The following IMPG1 variants were observed in gnomAD, a reference collection of about 807,000 sequenced individuals.
The protein encoded by IMPG1 is interphotoreceptor matrix proteoglycan 1.
A neutral mutation model predicts 92.0 loss-of-function variants in IMPG1; 85 were observed. The observed-to-expected ratio is 0.92, with a 90% CI of 0.78 to 1.11. The LOEUF (loss-of-function observed/expected upper bound fraction) is 1.11, where lower values mean the gene tolerates loss of function less well. IMPG1 is among the 50% of genes least tolerant of loss of function. The pLI is 0.00. For synonymous variants in IMPG1, 367 were observed against 334.1 expected, an observed-to-expected ratio of 1.10 and a Z score of -1.08; for missense variants, 1,022 against 956.0, an observed-to-expected ratio of 1.07 and a Z score of -0.91.
chr6:75,936,941 G>A lies in IMPG1; in HGVS notation c.2045-5790C>T, dbSNP rs550642730. ...AAGCTCCATGCAGTGGTTGGGGTGTGGAATGAGGGCACAGATTGAAACCCT... is the reference window on the plus strand; with the variant it reads ...AAGCTCCATGCAGTGGTTGGGGTGTAGAATGAGGGCACAGATTGAAACCCT... On this transcript the variant is annotated intron_variant, in intron 14 of 16. Transcript: ENST00000369950. Among the ~76,000 whole-genome samples, 9 of 152,276 alleles carry A rather than the reference G, an allele frequency of 5.9e-5. No homozygotes were observed. In the East Asian group the frequency reaches 1.5e-3, roughly 26 times the overall value.
Position 75,974,178 on chromosome 6 carries a change from A to C in IMPG1, c.1292-23084T>G, listed in dbSNP as rs183296809. Among the ~76,000 whole-genome samples, 55 of 152,312 alleles carry C rather than the reference A, an allele frequency of 3.6e-4. No individual in the cohort carries two copies. The East Asian group carries it at 7.3e-3, about 20-fold the overall frequency. ...CAAACATTTTAGTGCAAATTTGGAA[A>C]ATTTTTTACTCTATAAAAGGCTTTC... is the stretch of plus-strand genomic sequence containing the variant. On this transcript the variant is annotated intron_variant, in intron 12 of 16. Coordinates refer to ENST00000369950, the MANE Select transcript of IMPG1 (RefSeq NM_001563.4).
intron 7 of IMPG1, among the ~76,000 whole-genome samples, chr6:76,016,172 T>G (rs985581626): frequency 1.3e-5 from 2 of 152,226 alleles, no homozygotes; most frequent in Non-Finnish European, 2.9e-5. Context: ...TCTGAGGTCA[T>G]CTTCTACAAT....
intron 7 of IMPG1, among the ~76,000 whole-genome samples, chr6:76,017,990 G>C (rs533128960): frequency 3.3e-5 from 5 of 152,204 alleles, no homozygotes; most frequent in African/African-American, 9.6e-5. Flanking sequence ...TGATCCACCC[G>C]CCTCAGCCTC....
At chr6:76,001,585 T>G (rs1361099136) in intron 12 of IMPG1, among the ~76,000 whole-genome samples, 1 of 152,156 alleles carries the variant, frequency 6.6e-6, no homozygotes, top group Non-Finnish European at 1.5e-5. Flanking sequence ...CAAGCAACCC[T>G]GTGGAGAGAC....
chr6:76,015,485 A>G (rs1441475234), intron 7 of IMPG1, among the ~76,000 whole-genome samples: 1 of 152,120 alleles, frequency 6.6e-6, no homozygotes, highest in African/African-American at 2.4e-5. Context: ...TTTGGCTTAT[A>G]AGTTTTTCAG....
At chr6:76,028,125 G>A (rs1298015552) in intron 4 of IMPG1, among the ~76,000 whole-genome samples, 4 of 152,182 alleles carry the variant, frequency 2.6e-5, no homozygotes, top group African/African-American at 9.6e-5. Context: ...ATATCTAAAT[G>A]TATGCTATCA....
At chr6:76,026,175 C>G (rs1783529700) in intron 4 of IMPG1, among the ~76,000 whole-genome samples, 1 of 152,196 alleles carries the variant, frequency 6.6e-6, no homozygotes, top group Admixed American at 6.5e-5. Flanking sequence ...CCCTTTTCTT[C>G]CTTTTCACCC....
At chr6:75,925,925 A>G (rs992195517) in intron 15 of IMPG1, among the ~76,000 whole-genome samples, 2 of 152,174 alleles carry the variant, frequency 1.3e-5, no homozygotes, top group Non-Finnish European at 2.9e-5. Flanking sequence ...TCGGCTTCCC[A>G]AAGTGCTGGG....
At chr6:75,958,362 C>G (rs1782162752) in intron 12 of IMPG1, among the ~76,000 whole-genome samples, 1 of 152,108 alleles carries the variant, frequency 6.6e-6, no homozygotes, top group Non-Finnish European at 1.5e-5. Context: ...GATTATGTGT[C>G]TTGGGGTTGC....
chr6:75,930,780 T>C (rs1303874746), intron 15 of IMPG1, among the ~76,000 whole-genome samples, 173 bp downstream of exon 15: 5 of 152,188 alleles, frequency 3.3e-5, no homozygotes, highest in East Asian at 1.9e-4. Flanking sequence ...AAACAGGGCA[T>C]AGTAGGGTGC....
chr6:76,005,172 A>C, intron 10 of IMPG1, 115 bp downstream of exon 10: 1 of 998,942 alleles, frequency 1.0e-6, no homozygotes, highest in South Asian at 1.5e-5. Context: ...TTCCTGTCAC[A>C]GTAATGATCG....
intron 12 of IMPG1, among the ~76,000 whole-genome samples, chr6:75,980,215 A>G (rs552677187): frequency 5.9e-5 from 9 of 152,338 alleles, no homozygotes; most frequent in South Asian, 2.1e-4. Flanking sequence ...CATTAGGTAT[A>G]TATAAAAGAT....
intron 1 of IMPG1, among the ~76,000 whole-genome samples, chr6:76,046,985 T>C (rs1259120821): frequency 6.6e-6 from 1 of 152,206 alleles, no homozygotes; most frequent in African/African-American, 2.4e-5. Flanking sequence ...TAGCATGAAA[T>C]CACACAGTGT....
intron 12 of IMPG1, among the ~76,000 whole-genome samples, chr6:75,975,955 T>C (rs1437559907): frequency 6.6e-6 from 1 of 152,168 alleles, no homozygotes; most frequent in Non-Finnish European, 1.5e-5. Context: ...ATACTTTTGA[T>C]TTTTTGGAAC....
At chr6:75,952,486 G>A (rs1045172150) in intron 12 of IMPG1, among the ~76,000 whole-genome samples, 1 of 152,148 alleles carries the variant, frequency 6.6e-6, no homozygotes, top group Admixed American at 6.6e-5. Context: ...AGATTTCAGA[G>A]AAGCACCCTC....
intron 4 of IMPG1, among the ~76,000 whole-genome samples, chr6:76,026,308 C>T (rs1465933313): frequency 6.6e-6 from 1 of 152,154 alleles, no homozygotes; most frequent in Non-Finnish European, 1.5e-5. Flanking sequence ...TTTTTTGGCG[C>T]CCAACGTGGG....
chr6:76,005,120 CA>C (rs1356067312), intron 10 of IMPG1, among the ~76,000 whole-genome samples, 166 bp downstream of exon 10: 1 of 152,114 alleles, frequency 6.6e-6, no homozygotes, highest in East Asian at 1.9e-4. Flanking sequence ...TCAAATGAGA[CA>C]CAGGAAGGAG....
intron 13 of IMPG1, among the ~76,000 whole-genome samples, chr6:75,947,902 G>A (rs1363214032): frequency 6.6e-6 from 1 of 151,060 alleles, no homozygotes; most frequent in Non-Finnish European, 1.5e-5. Flanking sequence ...TCCAAACTGA[G>A]CCCAGGAGCA....
intron 8 of IMPG1, among the ~76,000 whole-genome samples, chr6:76,008,621 T>C (rs1783133823): frequency 6.6e-6 from 1 of 152,178 alleles, no homozygotes; most frequent in Admixed American, 6.6e-5. Context: ...CTCTTGCTTG[T>C]TTTCAGCAAT....
Sources: allele counts gnomAD v4.1 joint callset (sites outside exome capture counted in the v4.1 genomes callset), GRCh38; gene constraint gnomAD v4.1.1; transcripts MANE v1.5; gene names NCBI Gene and HGNC (gene_info 2026-07-23, HGNC 2026-07-21).